NDUFA5: variants seen among roughly 807,000 people sequenced by gnomAD.
The protein encoded by NDUFA5 is NADH:ubiquinone oxidoreductase subunit A5.
Under a neutral mutation model 19.8 loss-of-function variants are expected in NDUFA5, and 11 were observed. The ratio of observed to expected loss-of-function variants is 0.56; its 90% CI spans 0.35 to 0.92. The LOEUF is 0.92. Among genes scored for constraint, NDUFA5 ranks in the 40% least tolerant of loss-of-function variants. The probability of loss-of-function intolerance (pLI) is 0.01; values close to 1 mark genes in which losing one functional copy is unlikely to be tolerated. For synonymous variants in NDUFA5, 47 were observed against 46.8 expected (o/e 1.00, Z -0.01); for missense variants, 109 against 134.2 (o/e 0.81, Z 0.93).
At chr7:123,569,639 C>G in the NDUFA5 span, among the ~76,000 whole-genome samples, 1 of 152,092 alleles carries the variant, frequency 6.6e-6, no homozygotes, top group African/African-American at 2.4e-5. Context: ...GAAAGGTGGA[C>G]AAGGTTATTA....
the NDUFA5 span, chr7:123,596,326 T>C: frequency 6.6e-6 from 1 of 152,080 alleles, no homozygotes; most frequent in Non-Finnish European, 1.5e-5. Context: ...CATTGAAATA[T>C]TTAGGCCAGG....
upstream of NDUFA5, chr7:123,558,033 C>T (rs750429161): frequency 7.0e-4 from 461 of 656,344 alleles, 2 homozygotes; most frequent in Non-Finnish European, 6.6e-4. Flanking sequence ...GAAAGGGTTT[C>T]CCAGCTGTCT....
the NDUFA5 span, among the ~76,000 whole-genome samples, chr7:123,590,398 C>T: frequency 0.29 from 44,752 of 151,986 alleles, 6,731 homozygotes; most frequent in East Asian, 0.4. Flanking sequence ...TCTTTGCTCA[C>T]GCCTATGTGC....
At chr7:123,579,402 A>G in the NDUFA5 span, among the ~76,000 whole-genome samples, 3 of 152,198 alleles carry the variant, frequency 2.0e-5, no homozygotes, top group East Asian at 3.9e-4. Flanking sequence ...TTTGCTATGT[A>G]CTCACTGTAG....
At chr7:123,560,775 C>T (rs1390987972), upstream of NDUFA5, among the ~76,000 whole-genome samples, 1 of 152,164 alleles carries the variant, frequency 6.6e-6, no homozygotes, top group Non-Finnish European at 1.5e-5. Context: ...ATCATGACCT[C>T]ATCTAAACCT....
intron 2 of NDUFA5, 150 bp downstream of exon 2, chr7:123,557,254 A>G: frequency 1.9e-6 from 2 of 1,042,200 alleles, no homozygotes; most frequent in East Asian, 2.6e-5. Flanking sequence ...TCAACGAAGT[A>G]GGTGGACAGC....
chr7:123,582,708 T>C, the NDUFA5 span, among the ~76,000 whole-genome samples: 3 of 151,976 alleles, frequency 2.0e-5, no homozygotes, highest in African/African-American at 7.2e-5. Context: ...TTATATCGTC[T>C]AAGGCATACT....
chr7:123,557,983 C>T, upstream of NDUFA5: 1 of 889,156 alleles, frequency 1.1e-6, no homozygotes, highest in Non-Finnish European at 1.7e-6. Context: ...GCGCGATGGG[C>T]ATACAAGCCT....
chr7:123,596,651 A>G, the NDUFA5 span, among the ~76,000 whole-genome samples: 1 of 152,094 alleles, frequency 6.6e-6, no homozygotes, highest in East Asian at 1.9e-4. Flanking sequence ...ATAAAGAAAG[A>G]GAAAAAGAAA....
At chr7:123,581,414 TAAA>T in the NDUFA5 span, among the ~76,000 whole-genome samples, 7 of 124,422 alleles carry the variant, frequency 5.6e-5, no homozygotes, top group Admixed American at 2.5e-4. Flanking sequence ...AGTGAGCACT[TAAA>T]AAAAAAAAAA....
At chr7:123,551,638 A>G (rs1221496543) in intron 2 of NDUFA5, 1 of 377,950 alleles carries the variant, frequency 2.6e-6, no homozygotes, top group Non-Finnish European at 3.6e-6. Context: ...AAATACGGTC[A>G]TAATACTTCA....
chr7:123,541,420 C>A lies in NDUFA5; in HGVS notation c.*699G>T, dbSNP rs1797940666. 1 of 152,138 alleles carries A rather than the reference C, an allele frequency of 6.6e-6. No individual in the cohort carries two copies. Among genetic ancestry groups the A allele is most frequent in the East Asian group, 1.9e-4 (1 of 5,198 alleles). 9.4% of individuals were successfully genotyped at this position (152,138 alleles called of 1,614,324 possible). On this transcript the variant is annotated 3_prime_UTR_variant, in exon 5 of 5. Transcript: ENST00000355749. ...TTTCTTTTAAGTACCAAGTCAATTTCTTTAACTGTACAATGTATTCTAATT... is the reference window on the plus strand; with the variant it reads ...TTTCTTTTAAGTACCAAGTCAATTTATTTAACTGTACAATGTATTCTAATT...
the NDUFA5 span, among the ~76,000 whole-genome samples, chr7:123,581,822 G>A: frequency 6.6e-6 from 1 of 151,884 alleles, no homozygotes; most frequent in Admixed American, 6.6e-5. Context: ...TCACTCCCAA[G>A]ACTGTCAAGT....
In NDUFA5 at chr7:123,537,731, A is replaced by G. The variant is rs1797794071; in HGVS notation, c.*4388T>C. Reference sequence around the variant, plus strand: ...AACTTTGTTTTCAGAGATTTTTGAAATTAGGAATTTAGATAAGGGACTTTG... The same window carrying G: ...AACTTTGTTTTCAGAGATTTTTGAAGTTAGGAATTTAGATAAGGGACTTTG... On this transcript the variant is annotated 3_prime_UTR_variant, in exon 5 of 5. Coordinates refer to ENST00000355749, the MANE Select transcript of NDUFA5 (RefSeq NM_005000.5). 2.0e-5 allele frequency: 3 copies of G among 152,288 alleles called. No individual in the cohort carries two copies. The highest frequency in any genetic ancestry group is 1.3e-4 in the Admixed American group (2 of 15,300). 9.4% of individuals were successfully genotyped at this position (152,288 alleles called of 1,614,324 possible).
At chr7:123,546,430 T>A (rs940604086) in intron 3 of NDUFA5, among the ~76,000 whole-genome samples, 1 of 152,202 alleles carries the variant, frequency 6.6e-6, no homozygotes, top group Non-Finnish European at 1.5e-5. Context: ...GTCCTTTTTT[T>A]CTACACATTT....
the NDUFA5 span, chr7:123,598,889 G>C: frequency 6.6e-6 from 1 of 152,194 alleles, no homozygotes; most frequent in African/African-American, 2.4e-5. Context: ...TGCTGTTGGA[G>C]GAGTTCAGTG....
At chr7:123,588,520 CCTTT>C in the NDUFA5 span, among the ~76,000 whole-genome samples, 83 of 149,646 alleles carry the variant, frequency 5.5e-4, no homozygotes, top group Admixed American at 3.5e-3. Context: ...CTCTGATTTT[CCTTT>C]CTTTCTTTCT....
the NDUFA5 span, among the ~76,000 whole-genome samples, chr7:123,601,062 G>T: frequency 0.012 from 1,847 of 152,282 alleles, 11 homozygotes; most frequent in Non-Finnish European, 0.018. Flanking sequence ...TTTAGTAGGG[G>T]GGTGTAGGGG....
intron 3 of NDUFA5, among the ~76,000 whole-genome samples, chr7:123,548,395 A>G (rs566558190): frequency 9.9e-4 from 151 of 152,334 alleles, no homozygotes; most frequent in Non-Finnish European, 1.9e-3. Flanking sequence ...TGGAGACATA[A>G]TACAGCATGA....
Sources: gnomAD v4.1 joint callset for allele counts (sites outside exome capture counted in the v4.1 genomes callset) on GRCh38, gnomAD v4.1.1 for gene constraint, MANE v1.5 for transcripts, NCBI Gene and HGNC (gene_info 2026-07-23, HGNC 2026-07-21) for gene names.